Variants in ZNF320 observed in about 807,000 individuals in gnomAD.
ZNF320 encodes the protein zinc finger gene 320.
A neutral mutation model predicts 6.8 loss-of-function variants in ZNF320; 2 were observed. That is an observed-to-expected ratio of 0.29 (90% CI 0.12 to 0.93). The LOEUF (loss-of-function observed/expected upper bound fraction) is 0.93. ZNF320 is among the 40% of genes least tolerant of loss of function. The probability of loss-of-function intolerance (pLI) is 0.55; values close to 1 mark genes in which losing one functional copy is unlikely to be tolerated. For missense variants in ZNF320, 472 were observed against 611.0 expected (o/e 0.77, Z 2.40); for synonymous variants, 208 against 203.2 (o/e 1.02, Z -0.20).
At chr19:52,862,163 CA>C in exon 6 of ZNF320, 2 of 423,844 alleles carry the variant, frequency 4.7e-6, no homozygotes, top group South Asian at 3.7e-5. Context: ...GGCATTGTGA[CA>C]ATCATTGCAT....
upstream of ZNF320, among the ~76,000 whole-genome samples, chr19:52,901,863 G>T (rs1321880257): frequency 3.9e-5 from 6 of 152,154 alleles, no homozygotes; most frequent in African/African-American, 1.4e-4. Flanking sequence ...TGAGAGTCAG[G>T]CTACTGGCCT....
chr19:52,862,836 T>C, exon 6 of ZNF320: 1 of 361,730 alleles, frequency 2.8e-6, no homozygotes, highest in Admixed American at 3.3e-5. Flanking sequence ...TTTACATTTG[T>C]AAGGTTTCTC....
exon 6 of ZNF320, chr19:52,862,038 ATGAAC>A (rs1303380053): frequency 6.3e-5 from 24 of 381,142 alleles, no homozygotes; most frequent in Non-Finnish European, 1.1e-4. Flanking sequence ...GAGTTCGCTG[ATGAAC>A]TGCAAGTTAT....
At position 52,886,734 on chromosome 19, in the gene ZNF320, G is replaced by A. The variant is rs561197254; in HGVS notation, c.142+1393C>T. The stretch of plus-strand genomic sequence containing the variant: ...GTGAATCACTTGAGATAAGGAGTTT[G>A]AGACCAGCCTGAACAACATGGTGAA... On this transcript the variant is annotated intron_variant, in intron 5 of 5. Transcript: ENST00000682928. 9.2e-5 allele frequency among the ~76,000 whole-genome samples: 14 copies of A among 152,200 alleles called. No homozygotes were observed. The South Asian group carries it at 2.7e-3, about 29-fold the overall frequency.
At chr19:52,867,616 T>C (rs2063600516) in intron 5 of ZNF320, among the ~76,000 whole-genome samples, 1 of 152,032 alleles carries the variant, frequency 6.6e-6, no homozygotes, top group African/African-American at 2.4e-5. Context: ...ATTTTTTTTC[T>C]TTCTTTATTT....
At position 52,897,618 on chromosome 19, in the gene ZNF320, G is replaced by A. The variant is rs1179839339; in HGVS notation, c.-368C>T. ...CGGTATAGCAGCACCACAGGACTGG[G>A]AAGCACACATAAAACAGAGCGAAAC... On this transcript the variant is annotated 5_prime_UTR_variant, in exon 1 of 6. Transcript: ENST00000682928. 1 of 152,356 alleles carries A rather than the reference G, an allele frequency of 6.6e-6. No homozygotes were observed. The highest frequency in any genetic ancestry group is 1.5e-5 in the Non-Finnish European group (1 of 68,144). 9.4% of individuals were successfully genotyped at this position (152,356 alleles called of 1,614,324 possible). A position where few individuals can be genotyped will look rare whatever the true frequency, so the allele number is the denominator to read the frequency against.
At chr19:52,870,469 C>A (rs1453318166) in intron 5 of ZNF320, among the ~76,000 whole-genome samples, 1 of 108,792 alleles carries the variant, frequency 9.2e-6, no homozygotes, top group Non-Finnish European at 1.9e-5. Context: ...CAGAGCCAGA[C>A]TCCGTCTCAA....
chr19:52,893,113 GCTCT>G (rs894424403), intron 2 of ZNF320, among the ~76,000 whole-genome samples: 2 of 150,306 alleles, frequency 1.3e-5, no homozygotes. Flanking sequence ...GTTTTTTACT[GCTCT>G]CTCTCTGTCT....
upstream of ZNF320, among the ~76,000 whole-genome samples, chr19:52,898,440 TA>T (rs929820859): frequency 2.0e-5 from 3 of 150,760 alleles, no homozygotes; most frequent in African/African-American, 7.5e-5. Context: ...GGCGACAAAG[TA>T]AGACCCTCTA....
chr19:52,900,262 T>A (rs926221148), upstream of ZNF320, among the ~76,000 whole-genome samples: 2 of 152,214 alleles, frequency 1.3e-5, no homozygotes, highest in African/African-American at 4.8e-5. Context: ...ATGTAACTGT[T>A]TTTGTGGTAC....
intron 5 of ZNF320, among the ~76,000 whole-genome samples, chr19:52,883,006 T>C (rs141253476): frequency 2.8e-4 from 42 of 152,124 alleles, no homozygotes; most frequent in Non-Finnish European, 4.7e-4. Context: ...CCTATATCCA[T>C]GTGGAACAGG....
Position 52,866,498 on chromosome 19 carries a change from T to C in ZNF320, c.224-2339A>G, listed in dbSNP as rs1195192372. ...CATTCAGAAAATGCTCCAAGGAGGA[T>C]GAAAAACAGCAAACTATCTTGTTTC... is the stretch of plus-strand genomic sequence containing the variant. On this transcript the variant is annotated intron_variant, in intron 5 of 5. Coordinates refer to the ZNF320 transcript ENST00000673631. Among the ~76,000 whole-genome samples, 3 of 151,968 alleles carry C rather than the reference T, an allele frequency of 2.0e-5. No individual in the cohort carries two copies. In the East Asian group the frequency reaches 5.8e-4, roughly 29 times the overall value.
chr19:52,863,841 G>C (rs1207535231), exon 6 of ZNF320: 3 of 217,478 alleles, frequency 1.4e-5, no homozygotes, highest in Admixed American at 5.6e-5. Context: ...GACGAGCCTG[G>C]CCAACATGGC....
intron 1 of ZNF320, chr19:52,894,328 T>G (rs1190878587): frequency 6.7e-6 from 1 of 148,872 alleles, no homozygotes; most frequent in African/African-American, 2.5e-5. Flanking sequence ...GAGGTTGCAG[T>G]GAGCCGGATT....
intron 5 of ZNF320, among the ~76,000 whole-genome samples, chr19:52,887,013 A>AGGAAAAG (rs1555821425): frequency 1.4e-5 from 2 of 143,248 alleles, no homozygotes; most frequent in Non-Finnish European, 3.0e-5. Context: ...AAGGAAAAGA[A>AGGAAAAG]AAAACAAAAC....
chr19:52,903,367 G>A, the ZNF320 span, among the ~76,000 whole-genome samples: 1 of 151,952 alleles, frequency 6.6e-6, no homozygotes, highest in African/African-American at 2.4e-5. Flanking sequence ...TCTCTCTGCT[G>A]GTCTTTTCTT....
chr19:52,887,878 T>G (rs541526201), intron 5 of ZNF320, among the ~76,000 whole-genome samples: 9 of 152,270 alleles, frequency 5.9e-5, no homozygotes, highest in African/African-American at 2.2e-4. Context: ...TGAACCACCA[T>G]GCCCAGCTTG....
chr19:52,869,946 G>A (rs1423021811), intron 5 of ZNF320, among the ~76,000 whole-genome samples: 1 of 151,756 alleles, frequency 6.6e-6, no homozygotes, highest in African/African-American at 2.4e-5. Context: ...TCGATCTCCT[G>A]ACCTCGTGAT....
intron 5 of ZNF320, among the ~76,000 whole-genome samples, chr19:52,885,362 C>T (rs2064042725): frequency 6.6e-6 from 1 of 152,076 alleles, no homozygotes; most frequent in Admixed American, 6.6e-5. Flanking sequence ...AGGCGGATCA[C>T]CTGGGGTCAA....
Sources: allele counts gnomAD v4.1 joint callset (sites outside exome capture counted in the v4.1 genomes callset), GRCh38; gene constraint gnomAD v4.1.1; transcripts MANE v1.5; gene names NCBI Gene and HGNC (gene_info 2026-07-23, HGNC 2026-07-21).